NCAPG: variants seen among roughly 807,000 people sequenced by gnomAD.
NCAPG encodes condensin complex subunit 3.
Under a neutral mutation model 113.1 loss-of-function variants are expected in NCAPG, and 69 were observed. The observed-to-expected ratio is 0.61, with a 90% CI of 0.50 to 0.75. NCAPG has a LOEUF of 0.75. Ranked by LOEUF, NCAPG falls within the 30% of genes least tolerant of loss-of-function variation. NCAPG has a pLI of 0.00. For missense variants in NCAPG, 1,058 were observed against 1,177.0 expected (o/e 0.90, Z 1.48); for synonymous variants, 370 against 415.8 (o/e 0.89, Z 1.34).
In NCAPG at chr4:17,833,471, T is replaced by A. The variant is rs951080864; in HGVS notation, c.1885-828T>A. Among the ~76,000 whole-genome samples the A allele has an allele frequency of 4.1e-3, 583 of 141,518 alleles. 1 individual carries two copies. Among genetic ancestry groups the A allele is most frequent in the Non-Finnish European group, 5.2e-3 (345 of 66,738 alleles). 92.8% of individuals were successfully genotyped at this position (141,518 alleles called of 152,430 possible). On this transcript the variant is annotated intron_variant, in intron 13 of 20. Transcript: ENST00000251496. ...GACACTCCATCTCAAAAAAAAAAAA[T>A]ATATATATATATTTTTGTTGTTGTT...
At chr4:17,828,016 G>A (rs182090573) in intron 11 of NCAPG, among the ~76,000 whole-genome samples, 1 of 151,928 alleles carries the variant, frequency 6.6e-6, no homozygotes, top group Admixed American at 6.6e-5. Flanking sequence ...GACCAGGCTG[G>A]TCCTAAATTC....
intron 8 of NCAPG, 36 bp downstream of exon 8, chr4:17,823,159 C>A: frequency 1.3e-6 from 2 of 1,561,442 alleles, no homozygotes; most frequent in East Asian, 2.3e-5. Flanking sequence ...CTAATTTGCC[C>A]TTCTAATTTC....
chr4:17,821,525 G>A (rs962900025), intron 7 of NCAPG, among the ~76,000 whole-genome samples: 6 of 143,728 alleles, frequency 4.2e-5, no homozygotes, highest in Non-Finnish European at 7.5e-5. Flanking sequence ...GTGCAGTAGC[G>A]TGATCTTGGC....
intron 7 of NCAPG, among the ~76,000 whole-genome samples, chr4:17,818,466 A>G (rs568102885): frequency 6.6e-6 from 1 of 152,242 alleles, no homozygotes; most frequent in Non-Finnish European, 1.5e-5. Context: ...CTGCCATGGT[A>G]TTGTAAAAGC....
intron 11 of NCAPG, among the ~76,000 whole-genome samples, chr4:17,825,976 A>AT (rs1207236520): frequency 6.6e-6 from 1 of 152,026 alleles, no homozygotes; most frequent in Non-Finnish European, 1.5e-5. Flanking sequence ...GGTAACGTGC[A>AT]TTTTTTTAAA....
intron 13 of NCAPG, among the ~76,000 whole-genome samples, chr4:17,831,662 A>G (rs1460100909): frequency 6.6e-6 from 1 of 152,170 alleles, no homozygotes; most frequent in Non-Finnish European, 1.5e-5. Flanking sequence ...AAGGAGAGGC[A>G]AGAATAAGGG....
intron 5 of NCAPG, among the ~76,000 whole-genome samples, 183 bp from the exon 6 acceptor site, chr4:17,817,078 A>T (rs561805237): frequency 4.6e-5 from 7 of 152,254 alleles, no homozygotes; most frequent in African/African-American, 1.7e-4. Context: ...GTGCCACTGC[A>T]CTCCAGCCTG....
chr4:17,831,872 T>C (rs966155250), intron 13 of NCAPG, among the ~76,000 whole-genome samples: 3 of 152,168 alleles, frequency 2.0e-5, no homozygotes, highest in African/African-American at 7.2e-5. Flanking sequence ...GGGCTTTGAG[T>C]AGAAGATTGT....
chr4:17,816,533 A>G lies in NCAPG; in HGVS notation c.776-728A>G, dbSNP rs192453092. Among the ~76,000 whole-genome samples, 13 of 152,364 alleles carry G rather than the reference A, an allele frequency of 8.5e-5. No individual in the cohort carries two copies. The East Asian group carries it at 2.5e-3, about 29-fold the overall frequency. ...AGAAAACCGACTTGCGTTTGAAAAC[A>G]TTGTCAGAGGACTAATTAGTAGGAT... On this transcript the variant is annotated intron_variant, in intron 5 of 20. Coordinates refer to ENST00000251496, the MANE Select transcript of NCAPG (RefSeq NM_022346.5).
rs1357203570 is a variant in NCAPG at position 17,837,731 on chromosome 4, C to T, written c.2396C>T (p.Ala799Val). 1.2e-6 allele frequency: 2 copies of T among 1,613,994 alleles called. No individual in the cohort carries two copies. The highest frequency in any genetic ancestry group is 2.2e-5 in the South Asian group (2 of 91,080). Residue 799 changes from alanine to valine, a missense_variant, in exon 16 of 21, where the codon GCT becomes GTT. Transcript: ENST00000251496. ...PLAEIDITNV[A>V]ELLVDLTRPS... ...GCTGAAATTGATATCACAAATGTTG[C>T]TGAGTTACTTGTAGATTTGACAAGA...
chr4:17,832,023 T>G (rs896969368), intron 13 of NCAPG, among the ~76,000 whole-genome samples: 4 of 152,212 alleles, frequency 2.6e-5, no homozygotes, highest in African/African-American at 7.2e-5. Flanking sequence ...TTTTGTAGTG[T>G]GAAGACAGCT....
At chr4:17,819,834 A>C (rs919354581) in intron 7 of NCAPG, among the ~76,000 whole-genome samples, 1 of 152,214 alleles carries the variant, frequency 6.6e-6, no homozygotes, top group Non-Finnish European at 1.5e-5. Context: ...CATGCCTCTA[A>C]ATTTCCCCTC....
At chr4:17,821,093 TTAA>T (rs1209181217) in intron 7 of NCAPG, among the ~76,000 whole-genome samples, 2 of 152,092 alleles carry the variant, frequency 1.3e-5, no homozygotes, top group African/African-American at 4.8e-5. Flanking sequence ...TTTTAATCTA[TTAA>T]TTAAACAACT....
intron 20 of NCAPG, chr4:17,842,615 T>C (rs1722524955): frequency 4.9e-6 from 2 of 408,202 alleles, no homozygotes; most frequent in East Asian, 8.6e-5. Context: ...CTTTAATATG[T>C]TGTTTCAATT....
At chr4:17,825,313 C>A in intron 10 of NCAPG, 69 bp from the exon 11 acceptor site, 1 of 1,335,762 alleles carries the variant, frequency 7.5e-7, no homozygotes. Flanking sequence ...AATAATACTC[C>A]TGAGTTGCTA....
At position 17,823,067 on chromosome 4, in the gene NCAPG, A is replaced by G; in HGVS notation, c.1203A>G (p.Ile401Met). 2 of 1,609,782 alleles carry G rather than the reference A, an allele frequency of 1.2e-6. No homozygotes were observed. Among genetic ancestry groups the G allele is most frequent in the Non-Finnish European group, 1.7e-6 (2 of 1,177,896 alleles). Residue 401 changes from isoleucine to methionine, a missense_variant, in exon 8 of 21, where the codon ATA becomes ATG. Transcript: ENST00000251496. The part of the protein sequence containing the change: ...YIGNLMTKEF[I>M]GQQLILIIKS... Reference sequence around the variant, plus strand: ...GAAATTTGATGACAAAAGAATTCATAGGTCAACAATTGATTCTAATTATTA... The same window carrying G: ...GAAATTTGATGACAAAAGAATTCATGGGTCAACAATTGATTCTAATTATTA...
At chr4:17,833,920 T>G (rs752104096) in intron 13 of NCAPG, among the ~76,000 whole-genome samples, 21 of 152,178 alleles carry the variant, frequency 1.4e-4, no homozygotes, top group Non-Finnish European at 2.4e-4. Context: ...CTAGAACACT[T>G]TCAACATAAT....
intron 11 of NCAPG, among the ~76,000 whole-genome samples, chr4:17,826,160 T>A (rs188011771): frequency 1.4e-3 from 211 of 152,238 alleles, no homozygotes; most frequent in African/African-American, 4.7e-3. Flanking sequence ...TGAAAGAAAT[T>A]TTTTGTTAAT....
Position 17,825,561 on chromosome 4 carries a change from G to A in NCAPG, c.1653G>A (p.Lys551=). 6.3e-7 allele frequency: 1 copy of A among 1,577,314 alleles called. No individual in the cohort carries two copies. Among genetic ancestry groups the A allele is most frequent in the Admixed American group, 2.1e-5 (1 of 47,846 alleles). Residue 551 remains lysine (K), a splice_region_variant and synonymous_variant, in exon 11 of 21, where the codon AAG becomes AAA. Transcript: ENST00000251496. ...AAATTAAAGAAGTCCACATAGAGAA[G>A]GTACAGGTAACTTTTTTCATACTAA... ...QLEIKEVHIE[K]NDAETLQKCL... is the part of the protein sequence containing the mutation.
Sources: gnomAD v4.1 joint callset for allele counts (sites outside exome capture counted in the v4.1 genomes callset) on GRCh38, gnomAD v4.1.1 for gene constraint, MANE v1.5 for transcripts, NCBI Gene and HGNC (gene_info 2026-07-23, HGNC 2026-07-21) for gene names.